Variants in MAPKAP1 observed in about 807,000 individuals in gnomAD.
The protein encoded by MAPKAP1 is MAPK associated protein 1, also known as target of rapamycin complex 2 subunit MAPKAP1.
Under a neutral mutation model 65.7 loss-of-function variants are expected in MAPKAP1, and 20 were observed. The observed-to-expected ratio is 0.30, with a 90% CI of 0.21 to 0.44. The LOEUF (loss-of-function observed/expected upper bound fraction) is 0.44. MAPKAP1 is among the 20% of genes least tolerant of loss of function. The probability of loss-of-function intolerance (pLI) is 1.00; values close to 1 mark genes in which losing one functional copy is unlikely to be tolerated. For synonymous variants in MAPKAP1, 222 were observed against 244.3 expected, an observed-to-expected ratio of 0.91 and a Z score of 0.85; for missense variants, 423 against 648.0, an observed-to-expected ratio of 0.65 and a Z score of 3.77.
intron 4 of MAPKAP1, among the ~76,000 whole-genome samples, chr9:125,618,487 T>C (rs1564585259): frequency 6.6e-6 from 1 of 151,848 alleles, no homozygotes; most frequent in Non-Finnish European, 1.5e-5. Context: ...ATTCAAGTTC[T>C]AACTTCAGTT....
chr9:125,639,846 G>A (rs2131707419), intron 4 of MAPKAP1, among the ~76,000 whole-genome samples: 1 of 152,328 alleles, frequency 6.6e-6, no homozygotes, highest in South Asian at 2.1e-4. Flanking sequence ...AGGACAGACA[G>A]CTGCATGGAA....
chr9:125,478,341 AT>A (rs1310983759), intron 9 of MAPKAP1, among the ~76,000 whole-genome samples: 1 of 152,140 alleles, frequency 6.6e-6, no homozygotes, highest in Non-Finnish European at 1.5e-5. Context: ...ATATATATAA[AT>A]TTAGAGACAG....
At chr9:125,651,560 G>A (rs1415836948) in intron 4 of MAPKAP1, among the ~76,000 whole-genome samples, 1 of 152,070 alleles carries the variant, frequency 6.6e-6, no homozygotes, top group Non-Finnish European at 1.5e-5. Context: ...GAGCTGAGAT[G>A]GTGCGACTGC....
intron 10 of MAPKAP1, among the ~76,000 whole-genome samples, chr9:125,460,240 T>C (rs1397888326): frequency 1.3e-5 from 2 of 151,960 alleles, no homozygotes; most frequent in Admixed American, 1.3e-4. Flanking sequence ...TTTGTTACAA[T>C]GGGTCCATAA....
chr9:125,479,725 G>A (rs1419816277), intron 9 of MAPKAP1, among the ~76,000 whole-genome samples: 1 of 152,166 alleles, frequency 6.6e-6, no homozygotes, highest in Non-Finnish European at 1.5e-5. Flanking sequence ...CAACTGGGTG[G>A]CACTGCAGAG....
intron 9 of MAPKAP1, among the ~76,000 whole-genome samples, chr9:125,469,532 G>A (rs1020740762): frequency 6.6e-6 from 1 of 152,258 alleles, no homozygotes; most frequent in Non-Finnish European, 1.5e-5. Context: ...AGAAGAATGT[G>A]TGCAGACAGA....
chr9:125,687,787 A>G (rs938067806), intron 1 of MAPKAP1, among the ~76,000 whole-genome samples: 1 of 152,164 alleles, frequency 6.6e-6, no homozygotes, highest in Non-Finnish European at 1.5e-5. Flanking sequence ...CTCTCTCTTA[A>G]ATTTTTTAAA....
chr9:125,651,300 A>T (rs779521579), intron 4 of MAPKAP1, among the ~76,000 whole-genome samples: 1 of 152,186 alleles, frequency 6.6e-6, no homozygotes, highest in Non-Finnish European at 1.5e-5. Context: ...TCATGTTGAG[A>T]CTTTTCTTTT....
intron 2 of MAPKAP1, among the ~76,000 whole-genome samples, chr9:125,671,923 C>A (rs1834508771): frequency 6.6e-6 from 1 of 152,138 alleles, no homozygotes; most frequent in Admixed American, 6.5e-5. Context: ...TGGGTGGTCA[C>A]CTCTCTGTAT....
At chr9:125,548,489 A>C (rs138721787) in intron 6 of MAPKAP1, among the ~76,000 whole-genome samples, 3 of 152,334 alleles carry the variant, frequency 2.0e-5, no homozygotes, top group East Asian at 1.9e-4. Context: ...TAAGCTCTAG[A>C]ATAAAGTGAC....
intron 4 of MAPKAP1, among the ~76,000 whole-genome samples, chr9:125,637,565 T>C (rs1833460923): frequency 6.6e-6 from 1 of 152,206 alleles, no homozygotes; most frequent in South Asian, 2.1e-4. Context: ...CTGTGTAAAC[T>C]TGCTTAATGG....
In MAPKAP1 at chr9:125,503,965, G is replaced by T. The variant is rs1234551997; in HGVS notation, c.1066+2345C>A. Reference sequence around the variant, plus strand: ...TTGGCCAGGCTGGTCTCGAACTCCTGACCTCAGGTAAACCACTCACCTCAG... The same window carrying T: ...TTGGCCAGGCTGGTCTCGAACTCCTTACCTCAGGTAAACCACTCACCTCAG... On this transcript the variant is annotated intron_variant, in intron 8 of 11. Coordinates refer to ENST00000265960, the MANE Select transcript of MAPKAP1 (RefSeq NM_001006617.3). Among the ~76,000 whole-genome samples, 3 of 137,800 alleles carry T rather than the reference G, an allele frequency of 2.2e-5. No homozygotes were observed. In the East Asian group the frequency reaches 6.6e-4, roughly 31 times the overall value. 90.4% of individuals were successfully genotyped at this position (137,800 alleles called of 152,430 possible). A position where few individuals can be genotyped will look rare whatever the true frequency, so the allele number is the denominator to read the frequency against.
Position 125,439,456 on chromosome 9 carries a change from C to A in MAPKAP1, c.1444-444G>T, listed in dbSNP as rs1330975273. Among the ~76,000 whole-genome samples, 1 of 152,210 alleles carries A rather than the reference C, an allele frequency of 6.6e-6. No individual in the cohort carries two copies. The highest frequency in any genetic ancestry group is 1.5e-5 in the Non-Finnish European group (1 of 68,042). On this transcript the variant is annotated intron_variant, in intron 11 of 11. Transcript: ENST00000265960. The surrounding 1 kb of genome is among the most constrained non-coding windows in gnomAD (Gnocchi z 4.0). The stretch of plus-strand genomic sequence containing the variant: ...AAGCAAACCAAGACAGGCTCTCCAT[C>A]CAGCCTCCCACCAGCCAGGCGCAGA...
intron 6 of MAPKAP1, among the ~76,000 whole-genome samples, chr9:125,553,367 A>T (rs980866076): frequency 6.6e-6 from 1 of 151,708 alleles, no homozygotes; most frequent in African/African-American, 2.4e-5. Flanking sequence ...CATGGCGAAA[A>T]CCCATCTCTA....
intron 9 of MAPKAP1, among the ~76,000 whole-genome samples, chr9:125,482,750 G>T (rs758211241): frequency 6.6e-6 from 1 of 152,078 alleles, no homozygotes; most frequent in Non-Finnish European, 1.5e-5. Flanking sequence ...AGAACCTTTG[G>T]ATGACATTAG....
chr9:125,600,668 C>T (rs138914358), intron 4 of MAPKAP1, among the ~76,000 whole-genome samples: 161 of 151,620 alleles, frequency 1.1e-3, no homozygotes, highest in African/African-American at 3.5e-3. Context: ...GGAAAGGTCT[C>T]TATCTTAATT....
At chr9:125,582,764 G>A (rs116255461) in intron 5 of MAPKAP1, among the ~76,000 whole-genome samples, 89 of 152,264 alleles carry the variant, frequency 5.8e-4, no homozygotes, top group African/African-American at 1.8e-3. Context: ...TCTGGTCCCC[G>A]TCCAGGGATG....
rs1015886159 is a variant in MAPKAP1, at chr9:125,438,812, C to T, written c.*75G>A. 223 of 1,590,840 alleles carry T rather than the reference C, an allele frequency of 1.4e-4. No individual in the cohort carries two copies. Among genetic ancestry groups the T allele is most frequent in the South Asian group, 1.5e-4 (13 of 88,436 alleles). ...CCTCCCCCCGAGGACTTCAGGACAC[C>T]GGGTGGACTCTAGGGCACTTGGCCC... is the stretch of plus-strand genomic sequence containing the variant. On this transcript the variant is annotated 3_prime_UTR_variant, in exon 12 of 12. Transcript: ENST00000265960.
At chr9:125,465,088 A>G (rs758843635) in intron 10 of MAPKAP1, among the ~76,000 whole-genome samples, 2 of 152,228 alleles carry the variant, frequency 1.3e-5, no homozygotes, top group Non-Finnish European at 1.5e-5. Context: ...AAATTATTCC[A>G]GTTGGTCACA....
Sources: allele counts gnomAD v4.1 joint callset (sites outside exome capture counted in the v4.1 genomes callset), GRCh38; gene constraint gnomAD v4.1.1; non-coding constraint Gnocchi (gnomAD v3.1); transcripts MANE v1.5; gene names NCBI Gene and HGNC (gene_info 2026-07-23, HGNC 2026-07-21).